ADAM23: variants seen among roughly 807,000 people sequenced by gnomAD.
ADAM23 encodes the protein disintegrin and metalloproteinase domain-containing protein 23.
In ADAM23, 33 loss-of-function variants were observed where a neutral mutation model predicts 120.1. The observed-to-expected ratio is 0.27, with a 90% confidence interval of 0.21 to 0.37. The LOEUF is 0.37. ADAM23 is among the 10% of genes least tolerant of loss of function. The pLI is 1.00. For synonymous variants in ADAM23, 367 were observed against 375.2 expected, an observed-to-expected ratio of 0.98 and a Z score of 0.25; for missense variants, 862 against 1,058.2, an observed-to-expected ratio of 0.81 and a Z score of 2.57.
chr2:206,615,414 C>A (rs909027018), intron 25 of ADAM23, among the ~76,000 whole-genome samples: 1 of 152,174 alleles, frequency 6.6e-6, no homozygotes, highest in South Asian at 2.1e-4. Context: ...GTTGTACTTT[C>A]ACATTAAAAT....
chr2:206,598,737 T>C (rs1559283389), intron 24 of ADAM23, among the ~76,000 whole-genome samples: 1 of 151,386 alleles, frequency 6.6e-6, no homozygotes, highest in African/African-American at 2.4e-5. Flanking sequence ...CCATCCCTAC[T>C]AAAAATACAA....
intron 8 of ADAM23, 79 bp downstream of exon 8, chr2:206,548,433 G>A (rs1029913990): frequency 8.5e-6 from 12 of 1,403,760 alleles, no homozygotes; most frequent in African/African-American, 1.4e-5. Flanking sequence ...TTATCTAAGT[G>A]TACCTAAAAC....
chr2:206,462,703 T>A (rs954895392), intron 2 of ADAM23, among the ~76,000 whole-genome samples: 1 of 152,076 alleles, frequency 6.6e-6, no homozygotes, highest in African/African-American at 2.4e-5. Context: ...CTGCTTGGCA[T>A]ACAAAGCCTC....
At position 206,619,046 on chromosome 2, in the gene ADAM23, T is replaced by A. The variant is rs1698990770; in HGVS notation, c.*1419T>A. The A allele has an allele frequency of 6.6e-6, 1 of 152,226 alleles. No homozygotes were observed. The highest frequency in any genetic ancestry group is 6.5e-5 in the Admixed American group (1 of 15,284). The allele number at this position is 152,226 out of a possible 1,614,324, so 9.4% of individuals were successfully genotyped here. On this transcript the variant is annotated 3_prime_UTR_variant, in exon 26 of 26. Coordinates refer to ENST00000264377, the MANE Select transcript of ADAM23 (RefSeq NM_003812.4). ...GTCAATATTTCATCCATGCTCATTT[T>A]CCTGCCTCAAAATATATATGGTAGA...
Position 206,565,052 on chromosome 2 carries a change from A to G in ADAM23, c.1378A>G (p.Ile460Val). The part of the protein sequence containing the change: ...CDCTESWGGC[I>V]MEETGVSHSR... ...CTGCACAGAATCCTGGGGTGGCTGC[A>G]TCATGGAGGAAACAGGGTAAATTTT... The change falls in exon 14 of 26, where the codon ATC becomes GTC. Residue 460 changes from isoleucine (I) to valine (V), a missense_variant. By Grantham distance (29) the Ile-to-Val change is conservative. Around this residue, in one of 4 missense-constraint regions of ADAM23, gnomAD observed 617 missense variants for 813.5 expected, o/e 0.76. Transcript: ENST00000264377. 6.2e-7 allele frequency: 1 copy of G among 1,614,066 alleles called. No homozygotes were observed. Among genetic ancestry groups the G allele is most frequent in the South Asian group, 1.1e-5 (1 of 91,080 alleles).
chr2:206,574,958 C>T (rs1698082957), intron 18 of ADAM23, among the ~76,000 whole-genome samples: 1 of 152,124 alleles, frequency 6.6e-6, no homozygotes, highest in African/African-American at 2.4e-5. Context: ...GGGACATGGC[C>T]TTGCTCTTGT....
intron 3 of ADAM23, among the ~76,000 whole-genome samples, chr2:206,530,225 G>A (rs775942824): frequency 1.6e-4 from 25 of 152,300 alleles, no homozygotes; most frequent in Non-Finnish European, 3.2e-4. Context: ...TTGGAATACA[G>A]CCATGCTCAT....
At chr2:206,488,734 G>A (rs751094233) in intron 3 of ADAM23, among the ~76,000 whole-genome samples, 5 of 152,192 alleles carry the variant, frequency 3.3e-5, no homozygotes, top group Non-Finnish European at 5.9e-5. Context: ...GCTGCCTTCA[G>A]TGTGTGGAAG....
intron 2 of ADAM23, among the ~76,000 whole-genome samples, chr2:206,457,533 C>T (rs1303722635): frequency 6.6e-6 from 1 of 152,172 alleles, no homozygotes; most frequent in Non-Finnish European, 1.5e-5. Context: ...GTGTACACAC[C>T]TCACTTGGCC....
intron 20 of ADAM23, among the ~76,000 whole-genome samples, chr2:206,588,506 A>T (rs1468628017): frequency 6.6e-6 from 1 of 152,112 alleles, no homozygotes; most frequent in East Asian, 1.9e-4. Context: ...TTTTCCATTA[A>T]CACACACACA....
At chr2:206,600,949 A>G (rs1185545038) in intron 24 of ADAM23, among the ~76,000 whole-genome samples, 2 of 152,148 alleles carry the variant, frequency 1.3e-5, no homozygotes. Context: ...TTAATTTTTT[A>G]TATTTTTTAA....
At chr2:206,541,945 A>G (rs1697297753) in intron 4 of ADAM23, 107 bp from the exon 5 acceptor site, 1 of 1,116,346 alleles carries the variant, frequency 9.0e-7, no homozygotes. Flanking sequence ...TTATTAATAC[A>G]GTGCACATAT....
At chr2:206,481,978 T>C (rs1695907931) in intron 3 of ADAM23, among the ~76,000 whole-genome samples, 1 of 152,202 alleles carries the variant, frequency 6.6e-6, no homozygotes, top group South Asian at 2.1e-4. Flanking sequence ...TGAAAGAGAT[T>C]TTCTATGTGG....
chr2:206,507,746 T>C (rs1446834033), intron 3 of ADAM23, among the ~76,000 whole-genome samples: 2 of 152,262 alleles, frequency 1.3e-5, no homozygotes, highest in Non-Finnish European at 2.9e-5. Context: ...CGTAGTCTAA[T>C]ACTTTTGTTT....
At chr2:206,551,001 A>C (rs1317933334) in intron 9 of ADAM23, among the ~76,000 whole-genome samples, 1 of 152,232 alleles carries the variant, frequency 6.6e-6, no homozygotes, top group South Asian at 2.1e-4. Context: ...CTTAAAAGAT[A>C]TATGAAAAAC....
chr2:206,514,695 A>T (rs1224858758), intron 3 of ADAM23, among the ~76,000 whole-genome samples: 3 of 152,174 alleles, frequency 2.0e-5, no homozygotes, highest in African/African-American at 7.2e-5. Context: ...GCTACAGAGA[A>T]ATCTTTCATG....
At chr2:206,605,814 T>C (rs1055671983) in intron 24 of ADAM23, 5 of 701,760 alleles carry the variant, frequency 7.1e-6, no homozygotes, top group South Asian at 1.5e-5. Context: ...AGCAGGCTAA[T>C]AGGGGCCGTG....
chr2:206,550,845 C>T (rs975480478), intron 9 of ADAM23, among the ~76,000 whole-genome samples: 2 of 152,210 alleles, frequency 1.3e-5, no homozygotes, highest in African/African-American at 2.4e-5. Flanking sequence ...TCGTGATCCG[C>T]CTGCCTCGGC....
intron 10 of ADAM23, among the ~76,000 whole-genome samples, chr2:206,558,628 A>C (rs1697694724): frequency 6.6e-6 from 1 of 152,188 alleles, no homozygotes; most frequent in Non-Finnish European, 1.5e-5. Flanking sequence ...TCAGAGGAAA[A>C]CCACAAGTGA....
Sources: gnomAD v4.1 joint callset for allele counts (sites outside exome capture counted in the v4.1 genomes callset) on GRCh38, gnomAD v4.1.1 for gene constraint, gnomAD v4.1.1 regional missense constraint, MANE v1.5 for transcripts, NCBI Gene and HGNC (gene_info 2026-07-23, HGNC 2026-07-21) for gene names.